The following BMPR1B variants were observed in gnomAD, a reference collection of about 807,000 sequenced individuals.
BMPR1B encodes bone morphogenetic protein receptor type 1B.
A neutral mutation model predicts 59.1 loss-of-function variants in BMPR1B; 12 were observed. The ratio of observed to expected loss-of-function variants is 0.20; its 90% CI spans 0.13 to 0.33. BMPR1B has a LOEUF of 0.33. BMPR1B is among the 10% of genes least tolerant of loss of function. BMPR1B has a pLI of 1.00. For missense variants in BMPR1B, 550 were observed against 610.9 expected (o/e 0.90, Z 1.05); for synonymous variants, 237 against 207.3 (o/e 1.14, Z -1.23).
chr4:94,840,575 T>G (rs1242926905), intron 1 of BMPR1B, among the ~76,000 whole-genome samples: 1 of 146,242 alleles, frequency 6.8e-6, no homozygotes, highest in Non-Finnish European at 1.5e-5. Context: ...GGCTTCTGCA[T>G]TCTTCACGTA....
intron 3 of BMPR1B, among the ~76,000 whole-genome samples, chr4:95,053,281 T>TTG (rs60404669): frequency 0.045 from 6,098 of 134,204 alleles, 207 homozygotes; most frequent in African/African-American, 0.1. Context: ...TGCAGGGCAC[T>TTG]TGTGTGTGTG....
chr4:94,927,532 C>G (rs1381914948), intron 2 of BMPR1B, among the ~76,000 whole-genome samples: 2 of 152,064 alleles, frequency 1.3e-5, no homozygotes, highest in Non-Finnish European at 2.9e-5. Flanking sequence ...ATCAAGTAGT[C>G]TTTTGGTGAG....
intron 10 of BMPR1B, among the ~76,000 whole-genome samples, chr4:95,142,794 C>G (rs1238347670): frequency 6.7e-6 from 1 of 148,690 alleles, no homozygotes; most frequent in Non-Finnish European, 1.5e-5. Flanking sequence ...GCCCTGTGCT[C>G]AGTCAAGTAG....
intron 1 of BMPR1B, among the ~76,000 whole-genome samples, chr4:94,864,938 C>CT (rs1389658489): frequency 1.3e-5 from 2 of 151,994 alleles, no homozygotes; most frequent in East Asian, 3.9e-4. Flanking sequence ...TGGAGGTTTG[C>CT]TTTATAATTT....
intron 2 of BMPR1B, among the ~76,000 whole-genome samples, chr4:94,955,273 A>T (rs1383529418): frequency 2.0e-5 from 3 of 152,154 alleles, no homozygotes; most frequent in African/African-American, 7.2e-5. Context: ...GACAGCAGAA[A>T]CTGTGTTTCA....
At chr4:95,001,311 C>A (rs995706614) in intron 3 of BMPR1B, among the ~76,000 whole-genome samples, 1 of 151,784 alleles carries the variant, frequency 6.6e-6, no homozygotes, top group South Asian at 2.1e-4. Flanking sequence ...TGTGTCTTGT[C>A]TTGTATTAGA....
intron 1 of BMPR1B, among the ~76,000 whole-genome samples, chr4:94,808,636 T>C (rs1723697969): frequency 6.6e-6 from 1 of 152,230 alleles, no homozygotes; most frequent in African/African-American, 2.4e-5. Context: ...ATATGCACTT[T>C]CAAAACTAGA....
At chr4:95,111,488 G>C (rs985597045) in intron 4 of BMPR1B, among the ~76,000 whole-genome samples, 2 of 152,064 alleles carry the variant, frequency 1.3e-5, no homozygotes, top group Non-Finnish European at 2.9e-5. Flanking sequence ...TCTAAAATTG[G>C]TTTCTAACCA....
intron 2 of BMPR1B, among the ~76,000 whole-genome samples, chr4:94,963,937 A>G (rs1730462995): frequency 6.6e-6 from 1 of 152,098 alleles, no homozygotes; most frequent in Admixed American, 6.6e-5. Context: ...TGTACATTTT[A>G]ATGATACTGA....
chr4:95,095,101 GTACTT>G (rs1730270621), intron 3 of BMPR1B, among the ~76,000 whole-genome samples: 1 of 151,756 alleles, frequency 6.6e-6, no homozygotes, highest in African/African-American at 2.4e-5. Flanking sequence ...TTATTTGAAA[GTACTT>G]TAGTATAAGG....
At chr4:95,013,537 G>A (rs1474476530) in intron 3 of BMPR1B, among the ~76,000 whole-genome samples, 1 of 152,102 alleles carries the variant, frequency 6.6e-6, no homozygotes, top group East Asian at 1.9e-4. Flanking sequence ...AGTTTCTCAG[G>A]ATTTATACAG....
At chr4:95,023,837 A>G (rs760826611) in intron 3 of BMPR1B, among the ~76,000 whole-genome samples, 1 of 152,226 alleles carries the variant, frequency 6.6e-6, no homozygotes, top group East Asian at 1.9e-4. Context: ...TAATGTGAGG[A>G]CATTGATTTT....
intron 1 of BMPR1B, among the ~76,000 whole-genome samples, chr4:94,770,251 G>T (rs1722137050): frequency 7.3e-6 from 1 of 137,194 alleles, no homozygotes; most frequent in African/African-American, 2.8e-5. Context: ...GATATTTTTG[G>T]AGAGCTAGTC....
intron 2 of BMPR1B, among the ~76,000 whole-genome samples, chr4:94,975,352 C>CTT (rs1730981877): frequency 7.7e-5 from 10 of 130,100 alleles, no homozygotes; most frequent in Admixed American, 1.7e-4. Context: ...TCTTAATTTC[C>CTT]TTTTGTTTTT....
intron 1 of BMPR1B, among the ~76,000 whole-genome samples, chr4:94,805,501 A>G (rs1723573362): frequency 6.6e-6 from 1 of 152,224 alleles, no homozygotes; most frequent in African/African-American, 2.4e-5. Flanking sequence ...TAAAGATAAA[A>G]GAGAGCTGCA....
At chr4:95,053,323 G>GTGTGTGTGTGTGTGTGTGTGTGTGTGGT (rs1726663706) in intron 3 of BMPR1B, among the ~76,000 whole-genome samples, 1 of 139,378 alleles carries the variant, frequency 7.2e-6, no homozygotes, top group Non-Finnish European at 1.6e-5. Flanking sequence ...GTGTGTGTGT[G>GTGTGTGTGTGTGTGTGTGTGTGTGTGGT]ATGTGCCTGT....
chr4:94,784,466 A>G lies in BMPR1B; in HGVS notation c.-183+26398A>G, dbSNP rs1203725491. 3.3e-5 allele frequency among the ~76,000 whole-genome samples: 5 copies of G among 152,114 alleles called. No individual in the cohort carries two copies. The East Asian group carries it at 9.7e-4, about 29-fold the overall frequency. ...TTTCAGGTCTCCTGTTTCTATTTGA[A>G]TAGTTTTTCAAAATTATATTTACAT... On this transcript the variant is annotated intron_variant, in intron 1 of 12. Coordinates refer to ENST00000515059, the MANE Select transcript of BMPR1B (RefSeq NM_001203.3).
chr4:94,824,013 T>TG (rs1724300218), intron 1 of BMPR1B, among the ~76,000 whole-genome samples: 1 of 152,244 alleles, frequency 6.6e-6, no homozygotes, highest in Admixed American at 6.5e-5. Context: ...CCCAAAGTGC[T>TG]GGGATTACAG....
At chr4:95,029,870 T>A (rs528938358) in intron 3 of BMPR1B, among the ~76,000 whole-genome samples, 2 of 152,378 alleles carry the variant, frequency 1.3e-5, no homozygotes, top group East Asian at 3.9e-4. Context: ...GGCCTAGTGA[T>A]GATGAGCATT....
Sources: gnomAD v4.1 joint callset for allele counts (sites outside exome capture counted in the v4.1 genomes callset) on GRCh38, gnomAD v4.1.1 for gene constraint, MANE v1.5 for transcripts, NCBI Gene and HGNC (gene_info 2026-07-23, HGNC 2026-07-21) for gene names.